DLGAP1: variants seen among roughly 807,000 people sequenced by gnomAD.
DLGAP1 encodes the protein disks large-associated protein 1.
Under a neutral mutation model 90.8 loss-of-function variants are expected in DLGAP1, and 11 were observed. That is an observed-to-expected ratio of 0.12 (90% CI 0.08 to 0.20). The LOEUF (loss-of-function observed/expected upper bound fraction) is 0.20, where lower values mean the gene tolerates loss of function less well. DLGAP1 is among the 10% of genes least tolerant of loss of function. DLGAP1 has a pLI of 1.00. For synonymous variants in DLGAP1, 558 were observed against 540.7 expected, an observed-to-expected ratio of 1.03 and a Z score of -0.44; for missense variants, 1,050 against 1,333.8, an observed-to-expected ratio of 0.79 and a Z score of 3.31.
In DLGAP1 at chr18:3,816,485, G is replaced by C. The variant is rs181805612; in HGVS notation, c.958-2212C>G. Among the ~76,000 whole-genome samples, 7 of 152,322 alleles carry C rather than the reference G, an allele frequency of 4.6e-5. No homozygotes were observed. In the East Asian group the frequency reaches 9.6e-4, roughly 21 times the overall value. On this transcript the variant is annotated intron_variant, in intron 4 of 12. Coordinates refer to ENST00000315677, the MANE Select transcript of DLGAP1 (RefSeq NM_004746.4). The stretch of plus-strand genomic sequence containing the variant: ...AGATCTAAGAACTTCAGATTGAAGA[G>C]ATGCTACTATTCATGGTCTTGAAAA...
At chr18:3,578,748 C>A (rs1053748485) in intron 8 of DLGAP1, among the ~76,000 whole-genome samples, 3 of 151,626 alleles carry the variant, frequency 2.0e-5, no homozygotes, top group African/African-American at 7.3e-5. Flanking sequence ...CAACAAAAAG[C>A]AGGTGACCTT....
rs189402707 is a variant in DLGAP1 at position 3,847,121 on chromosome 18, T to G, written c.957+31991A>C. Among the ~76,000 whole-genome samples, 257 of 152,302 alleles carry G rather than the reference T, an allele frequency of 1.7e-3. 1 individual carries two copies. The highest frequency in any genetic ancestry group is 5.4e-3 in the African/African-American group (226 of 41,558). On this transcript the variant is annotated intron_variant, in intron 4 of 12. Transcript: ENST00000315677. ...TATAAGGAAGCTAGGTCAGTAAATT[T>G]CTTTTCTTGTAATATCTTTTTCTTG...
intron 10 of DLGAP1, among the ~76,000 whole-genome samples, chr18:3,513,659 A>C (rs2050667640): frequency 6.6e-6 from 1 of 152,228 alleles, no homozygotes; most frequent in Admixed American, 6.5e-5. Flanking sequence ...GACACCTTGA[A>C]AGAGATGGTG....
chr18:3,545,675 G>A (rs533115545), intron 9 of DLGAP1, among the ~76,000 whole-genome samples: 3 of 152,160 alleles, frequency 2.0e-5, no homozygotes, highest in Admixed American at 2.0e-4. Flanking sequence ...TGGCCAACAT[G>A]GTGAAACTCT....
chr18:3,887,286 T>C (rs1475885041), intron 3 of DLGAP1, among the ~76,000 whole-genome samples: 1 of 152,210 alleles, frequency 6.6e-6, no homozygotes, highest in Non-Finnish European at 1.5e-5. Flanking sequence ...AGACAGGTAG[T>C]CAGGGCAAAA....
intron 1 of DLGAP1, among the ~76,000 whole-genome samples, chr18:4,415,631 G>A (rs958994867): frequency 5.3e-5 from 8 of 152,192 alleles, no homozygotes; most frequent in African/African-American, 1.9e-4. Context: ...TCAGCTTTGT[G>A]GAATGTAAAT....
intron 4 of DLGAP1, among the ~76,000 whole-genome samples, chr18:3,823,799 A>G (rs1408919895): frequency 2.6e-5 from 4 of 151,818 alleles, no homozygotes; most frequent in African/African-American, 9.7e-5. Flanking sequence ...AAAATAGAAA[A>G]ATTAGCCAGG....
At chr18:4,409,469 T>C (rs1280479425) in intron 1 of DLGAP1, among the ~76,000 whole-genome samples, 3 of 152,164 alleles carry the variant, frequency 2.0e-5, no homozygotes, top group African/African-American at 4.8e-5. Context: ...TTCACAAATC[T>C]TGAAAATAAA....
At chr18:4,443,436 G>A (rs2083585560) in intron 1 of DLGAP1, among the ~76,000 whole-genome samples, 1 of 152,108 alleles carries the variant, frequency 6.6e-6, no homozygotes. Flanking sequence ...CAGAAGGGAT[G>A]GCATGTGTTC....
chr18:3,865,986 A>C (rs1379117668), intron 4 of DLGAP1, among the ~76,000 whole-genome samples: 1 of 152,202 alleles, frequency 6.6e-6, no homozygotes, highest in Non-Finnish European at 1.5e-5. Context: ...GGTGCTGTGG[A>C]AAGAGCACTA....
intron 9 of DLGAP1, among the ~76,000 whole-genome samples, chr18:3,535,080 G>C (rs1388421548): frequency 2.5e-5 from 3 of 118,430 alleles, no homozygotes; most frequent in Non-Finnish European, 5.2e-5. Flanking sequence ...CTCTGTGTGT[G>C]TGTGTGTGTG....
chr18:3,508,606 T>C lies in DLGAP1; in HGVS notation c.2535A>G (p.Lys845=), dbSNP rs765335648. 1.9e-6 allele frequency: 3 copies of C among 1,613,842 alleles called. No individual in the cohort carries two copies. The highest frequency in any genetic ancestry group is 2.5e-6 in the Non-Finnish European group (3 of 1,179,964). ...CACACAGTTCTCTGAACTGGTAGAA[T>C]TTCTGGGCCATGAGAAGTTGGGCAC... The part of the protein sequence containing the change: ...VGSAQLLMAQ[K]FYQFRELCEE... The change falls in exon 11 of 13, where the codon AAA becomes AAG. Residue 845 remains lysine (K), a synonymous_variant. Transcript: ENST00000315677.
chr18:4,007,195 G>T (rs777338764), intron 2 of DLGAP1, among the ~76,000 whole-genome samples: 1 of 152,114 alleles, frequency 6.6e-6, no homozygotes, highest in Non-Finnish European at 1.5e-5. Context: ...TGGAGCCCAG[G>T]GCAGAGGCAG....
intron 7 of DLGAP1, among the ~76,000 whole-genome samples, chr18:3,631,278 C>T (rs2058515501): frequency 6.6e-6 from 1 of 152,074 alleles, no homozygotes; most frequent in Non-Finnish European, 1.5e-5. Context: ...GCCACCGTGC[C>T]TGGCTGACTC....
intron 1 of DLGAP1, among the ~76,000 whole-genome samples, chr18:4,254,948 C>A (rs902696717): frequency 5.3e-5 from 8 of 152,198 alleles, no homozygotes; most frequent in African/African-American, 1.9e-4. Context: ...TTCAATGGAA[C>A]GTAATCTAGG....
At chr18:3,871,140 T>C (rs959818601) in intron 4 of DLGAP1, among the ~76,000 whole-genome samples, 3 of 152,238 alleles carry the variant, frequency 2.0e-5, no homozygotes, top group Non-Finnish European at 2.9e-5. Flanking sequence ...AGCCAGGCAG[T>C]GAGCCTGCGA....
At chr18:3,970,742 A>G (rs1204601732) in intron 3 of DLGAP1, among the ~76,000 whole-genome samples, 1 of 151,498 alleles carries the variant, frequency 6.6e-6, no homozygotes, top group Non-Finnish European at 1.5e-5. Context: ...ACTAAATCAT[A>G]TTAGAGATAT....
At chr18:3,866,598 A>G (rs2070400344) in intron 4 of DLGAP1, among the ~76,000 whole-genome samples, 1 of 152,222 alleles carries the variant, frequency 6.6e-6, no homozygotes, top group African/African-American at 2.4e-5. Context: ...TGGTGGTTAA[A>G]AAGTACAAAA....
intron 4 of DLGAP1, among the ~76,000 whole-genome samples, chr18:3,824,121 G>C (rs112727539): frequency 9.2e-5 from 14 of 152,018 alleles, no homozygotes; most frequent in Admixed American, 1.3e-4. Context: ...ATTGTTAGTT[G>C]AGCCATCATA....
Sources: allele counts gnomAD v4.1 joint callset (sites outside exome capture counted in the v4.1 genomes callset), GRCh38; gene constraint gnomAD v4.1.1; transcripts MANE v1.5; gene names NCBI Gene and HGNC (gene_info 2026-07-23, HGNC 2026-07-21).